Variants in ZNF532 observed in about 807,000 individuals in gnomAD.
The protein encoded by ZNF532 is zinc finger protein 532.
A neutral mutation model predicts 89.3 loss-of-function variants in ZNF532; 22 were observed. The observed-to-expected ratio is 0.25, with a 90% CI of 0.18 to 0.35. The LOEUF (loss-of-function observed/expected upper bound fraction) is 0.35, where lower values mean the gene tolerates loss of function less well. ZNF532 is among the 10% of genes least tolerant of loss of function. ZNF532 has a pLI of 1.00. For missense variants in ZNF532, 1,132 were observed against 1,643.4 expected (o/e 0.69, Z 5.38); for synonymous variants, 606 against 649.6 (o/e 0.93, Z 1.02).
chr18:58,984,652 T>TA lies in ZNF532; in HGVS notation c.*190dup, dbSNP rs767024489. Reference sequence around the variant, plus strand: ...TAAGTATTAAAACAGTATTTGAGTTTAAAAGAGTTTGTATATATTTAAATG... The same window carrying TA: ...TAAGTATTAAAACAGTATTTGAGTTTAAAAAGAGTTTGTATATATTTAAATG... On this transcript the variant is annotated 3_prime_UTR_variant, in exon 10 of 10. Coordinates refer to ENST00000591808, the MANE Select transcript of ZNF532 (RefSeq NM_001375912.1). 1.6e-6 allele frequency: 1 copy of TA among 624,144 alleles called. No individual in the cohort carries two copies. Among genetic ancestry groups the TA allele is most frequent in the Non-Finnish European group, 2.6e-6 (1 of 382,056 alleles). 38.7% of individuals were successfully genotyped at this position (624,144 alleles called of 1,614,324 possible).
chr18:58,951,938 T>A (rs373013536), intron 6 of ZNF532, among the ~76,000 whole-genome samples: 6 of 152,104 alleles, frequency 3.9e-5, no homozygotes, highest in East Asian at 1.9e-4. Flanking sequence ...CGTGAGCCAC[T>A]GCGCGTGGCC....
Position 58,902,975 on chromosome 18 carries a change from C to T in ZNF532, c.-17-15296C>T, listed in dbSNP as rs147691158. 2.6e-3 allele frequency among the ~76,000 whole-genome samples: 403 copies of T among 152,330 alleles called. 4 individuals are homozygous for T. In the Middle Eastern group the frequency reaches 0.044, roughly 17 times the overall value. On this transcript the variant is annotated intron_variant, in intron 2 of 9. Coordinates refer to ENST00000591808, the MANE Select transcript of ZNF532 (RefSeq NM_001375912.1). ...TGATCATACCATCATCACCTCACAACTTCTTCACTTTCTCTTCTCAAGAAT... is the reference window on the plus strand; with the variant it reads ...TGATCATACCATCATCACCTCACAATTTCTTCACTTTCTCTTCTCAAGAAT...
At position 58,919,724 on chromosome 18, in the gene ZNF532, G is replaced by A. The variant is rs2060886718; in HGVS notation, c.1437G>A (p.Thr479=). Residue 479 remains threonine, a synonymous_variant, in exon 3 of 10, where the codon ACG becomes ACA. Transcript: ENST00000591808. The surrounding 1 kb of genome is among the most constrained non-coding windows in gnomAD (Gnocchi z 6.1). ...KLANNTTVKA[T]VISAASVQSA... ...CTAACAACACCACGGTGAAAGCCAC[G>A]GTCATATCTGCTGCCTCTGTCCAGA... The A allele has an allele frequency of 4.3e-6, 7 of 1,613,908 alleles. No individual in the cohort carries two copies. The highest frequency in any genetic ancestry group is 1.7e-5 in the Admixed American group (1 of 60,000).
chr18:58,889,777 C>G lies in ZNF532; in HGVS notation c.-18+24198C>G, dbSNP rs571423796. Among the ~76,000 whole-genome samples the G allele has an allele frequency of 3.6e-5, 5 of 139,856 alleles. No homozygotes were observed. The South Asian group carries it at 1.1e-3, about 32-fold the overall frequency. 91.8% of individuals were successfully genotyped at this position (139,856 alleles called of 152,430 possible). A position where few individuals can be genotyped will look rare whatever the true frequency, so the allele number is the denominator to read the frequency against. ...GACAGACTGTGATTCCATCTCAAAA[C>G]AAAAAACAAAAAAACCCCAAAATTT... On this transcript the variant is annotated intron_variant, in intron 2 of 9. Transcript: ENST00000591808.
At chr18:58,908,806 G>C (rs962068068) in intron 2 of ZNF532, among the ~76,000 whole-genome samples, 4 of 152,222 alleles carry the variant, frequency 2.6e-5, no homozygotes, top group Non-Finnish European at 5.9e-5. Flanking sequence ...ATACTCATTA[G>C]CATAATAGTG....
intron 2 of ZNF532, among the ~76,000 whole-genome samples, chr18:58,914,892 AAG>A (rs1178035438): frequency 6.6e-6 from 1 of 152,216 alleles, no homozygotes; most frequent in East Asian, 1.9e-4. Context: ...TTTTAAGCAA[AAG>A]AATCTATTTT....
At chr18:58,895,464 G>A (rs2059182586) in intron 2 of ZNF532, among the ~76,000 whole-genome samples, 2 of 152,224 alleles carry the variant, frequency 1.3e-5, no homozygotes, top group South Asian at 4.1e-4. Context: ...GGGAACTCTT[G>A]TGGCAAAGAA....
chr18:58,923,822 T>C (rs2061320561), intron 3 of ZNF532, among the ~76,000 whole-genome samples: 1 of 151,702 alleles, frequency 6.6e-6, no homozygotes, highest in Non-Finnish European at 1.5e-5. Flanking sequence ...CCGGCAACTG[T>C]GCCAAGCCCC....
intron 2 of ZNF532, among the ~76,000 whole-genome samples, chr18:58,875,818 T>A (rs1057057972): frequency 1.3e-5 from 2 of 152,120 alleles, no homozygotes; most frequent in African/African-American, 4.8e-5. Flanking sequence ...ACTTTGTACA[T>A]CTTTTCCGTG....
intron 2 of ZNF532, chr18:58,896,299 A>G (rs1005694134): frequency 1.3e-5 from 2 of 152,144 alleles, no homozygotes; most frequent in African/African-American, 2.4e-5. Flanking sequence ...TATGTTACCC[A>G]TGGTAAAAGT....
intron 2 of ZNF532, among the ~76,000 whole-genome samples, chr18:58,880,278 A>G (rs2057779167): frequency 6.6e-6 from 1 of 152,234 alleles, no homozygotes; most frequent in South Asian, 2.1e-4. Context: ...GAATGCAGCT[A>G]GGGAAACTCT....
intron 3 of ZNF532, among the ~76,000 whole-genome samples, chr18:58,924,784 G>T (rs2061400736): frequency 6.6e-6 from 1 of 152,056 alleles, no homozygotes; most frequent in East Asian, 1.9e-4. Flanking sequence ...GCCACCCACA[G>T]CCTCTCCTCA....
At chr18:58,879,031 C>CA (rs2057669457) in intron 2 of ZNF532, among the ~76,000 whole-genome samples, 1 of 152,144 alleles carries the variant, frequency 6.6e-6, no homozygotes, top group African/African-American at 2.4e-5. Context: ...TTCTCAAGGC[C>CA]AAAAATCTCA....
intron 3 of ZNF532, among the ~76,000 whole-genome samples, chr18:58,932,198 C>A (rs1387101584): frequency 6.6e-6 from 1 of 152,122 alleles, no homozygotes; most frequent in Non-Finnish European, 1.5e-5. Flanking sequence ...CCTTGTGCTT[C>A]TGTATCGAAA....
At chr18:58,869,312 C>T (rs1037189645) in intron 2 of ZNF532, among the ~76,000 whole-genome samples, 2 of 152,096 alleles carry the variant, frequency 1.3e-5, no homozygotes, top group African/African-American at 4.8e-5. Flanking sequence ...TGAAGACACA[C>T]GAGAGATGAT....
chr18:58,889,967 C>T (rs962929316), intron 2 of ZNF532, among the ~76,000 whole-genome samples: 1 of 151,694 alleles, frequency 6.6e-6, no homozygotes, highest in Admixed American at 6.6e-5. Flanking sequence ...TGTATAGTCC[C>T]AGCTACTCAG....
At chr18:58,888,701 A>ATATATATATATATATATATATAAAT (rs2058482522) in intron 2 of ZNF532, among the ~76,000 whole-genome samples, 1 of 48,840 alleles carries the variant, frequency 2.0e-5, no homozygotes, top group Non-Finnish European at 3.1e-5. Flanking sequence ...AAAAAATTAT[A>ATATATATATATATATATATATAAAT]TATATATATA....
intron 4 of ZNF532, among the ~76,000 whole-genome samples, chr18:58,937,350 G>A (rs1300795158): frequency 6.6e-6 from 1 of 152,062 alleles, no homozygotes; most frequent in Non-Finnish European, 1.5e-5. Flanking sequence ...CTTCCTGTAA[G>A]CAGATGTTTT....
At chr18:58,891,992 CTGGT>C (rs1220050352) in intron 2 of ZNF532, among the ~76,000 whole-genome samples, 1 of 152,200 alleles carries the variant, frequency 6.6e-6, no homozygotes, top group Non-Finnish European at 1.5e-5. Context: ...ATAAGCAAGG[CTGGT>C]TTACTGTGAA....
Sources: gnomAD v4.1 joint callset for allele counts (sites outside exome capture counted in the v4.1 genomes callset) on GRCh38, gnomAD v4.1.1 for gene constraint, Gnocchi (gnomAD v3.1) non-coding constraint, MANE v1.5 for transcripts, NCBI Gene and HGNC (gene_info 2026-07-23, HGNC 2026-07-21) for gene names.